ZFP90: variants seen among roughly 807,000 people sequenced by gnomAD.
The protein encoded by ZFP90 is zinc finger protein 90 homolog.
A neutral mutation model predicts 60.8 loss-of-function variants in ZFP90; 38 were observed. The ratio of observed to expected loss-of-function variants is 0.62; its 90% CI spans 0.48 to 0.82. The LOEUF (loss-of-function observed/expected upper bound fraction) is 0.82. ZFP90 is among the 40% of genes least tolerant of loss of function. The probability of loss-of-function intolerance (pLI) is 0.00; values close to 1 mark genes in which losing one functional copy is unlikely to be tolerated. For missense variants in ZFP90, 711 were observed against 759.1 expected, an observed-to-expected ratio of 0.94 and a Z score of 0.74; for synonymous variants, 287 against 264.8, an observed-to-expected ratio of 1.08 and a Z score of -0.82.
intron 2 of ZFP90, among the ~76,000 whole-genome samples, chr16:68,544,267 A>G (rs145212167): frequency 1.3e-3 from 200 of 152,296 alleles, no homozygotes; most frequent in Middle Eastern, 0.01. Flanking sequence ...GTTTTAAGCT[A>G]GGTGTGGTGG....
downstream of ZFP90, among the ~76,000 whole-genome samples, chr16:68,570,367 C>A (rs577059571): frequency 4.6e-5 from 7 of 152,382 alleles, no homozygotes; most frequent in South Asian, 1.4e-3. Context: ...TTTTACTGAA[C>A]TGGAATTGCT....
At chr16:68,538,931 T>C (rs2090984161), upstream of ZFP90, among the ~76,000 whole-genome samples, 1 of 152,162 alleles carries the variant, frequency 6.6e-6, no homozygotes, top group Admixed American at 6.5e-5. Flanking sequence ...CTCACTCCCT[T>C]CCTGTGTCAC....
chr16:68,536,440 G>A (rs2090961042), upstream of ZFP90, among the ~76,000 whole-genome samples: 3 of 152,032 alleles, frequency 2.0e-5, no homozygotes, highest in Admixed American at 1.3e-4. Context: ...CCCAGTAGTT[G>A]GGGACTACCG....
intron 2 of ZFP90, among the ~76,000 whole-genome samples, chr16:68,541,766 G>A (rs577490063): frequency 1.3e-5 from 2 of 152,240 alleles, no homozygotes; most frequent in African/African-American, 2.4e-5. Context: ...ATCCTCCATA[G>A]GCTTGTGAGA....
chr16:68,562,812 C>A lies in ZFP90; in HGVS notation c.257-232C>A, dbSNP rs1375841408. 4.6e-6 allele frequency: 4 copies of A among 867,280 alleles called. No individual in the cohort carries two copies. The East Asian group carries it at 1.1e-4, about 23-fold the overall frequency. The allele number at this position is 867,280 out of a possible 1,614,324, so 53.7% of individuals were successfully genotyped here. On this transcript the variant is annotated intron_variant, in intron 4 of 4. Transcript: ENST00000563169. ...CTTATTTCCTTATTTTCTAACCAAC[C>A]CTCCTAGATGGGCTTTCCTCATTCT...
chr16:68,575,970 C>A, exon 3 of ZFP90: 1 of 372,802 alleles, frequency 2.7e-6, no homozygotes. Flanking sequence ...TCAGATTTTT[C>A]ACAACTCTGG....
At chr16:68,556,577 G>A (rs2091347833) in intron 2 of ZFP90, among the ~76,000 whole-genome samples, 3 of 152,224 alleles carry the variant, frequency 2.0e-5, no homozygotes, top group African/African-American at 7.2e-5. Context: ...GCCGGGCGTT[G>A]TTCTGGGCAC....
rs200733027 is a variant in ZFP90 at position 68,541,604 on chromosome 16, T to TTA, written c.33+1792_33+1793dup. On this transcript the variant is annotated intron_variant, in intron 2 of 4. Transcript: ENST00000563169. ...GAGCCACCGGGCCCGGCCTGCGTTT[T>TTA]TATATATATATATACTTCTTATTAT... 4.2e-3 allele frequency among the ~76,000 whole-genome samples: 630 copies of TTA among 151,706 alleles called. 6 individuals carry two copies. The South Asian group carries it at 0.052, about 13-fold the overall frequency.
chr16:68,536,888 C>G (rs976333307), upstream of ZFP90, among the ~76,000 whole-genome samples: 4 of 152,156 alleles, frequency 2.6e-5, no homozygotes, highest in Non-Finnish European at 4.4e-5. Context: ...TGGCTCTCAT[C>G]ACACTCAAAA....
At chr16:68,554,717 C>G (rs1039840088) in intron 2 of ZFP90, among the ~76,000 whole-genome samples, 1 of 151,952 alleles carries the variant, frequency 6.6e-6, no homozygotes, top group African/African-American at 2.4e-5. Flanking sequence ...TTTAGGAGGC[C>G]GAGGTGGGAG....
intron 2 of ZFP90, among the ~76,000 whole-genome samples, chr16:68,572,611 T>C (rs1465867558): frequency 6.6e-6 from 1 of 152,198 alleles, no homozygotes; most frequent in African/African-American, 2.4e-5. Context: ...GAGATGGGCC[T>C]CATGCTCCTG....
chr16:68,553,064 T>C (rs1173740732), intron 2 of ZFP90, among the ~76,000 whole-genome samples: 1 of 152,038 alleles, frequency 6.6e-6, no homozygotes, highest in African/African-American at 2.4e-5. Context: ...AAGAAAAATG[T>C]ATTAAATATT....
chr16:68,552,190 C>T (rs1476907203), intron 2 of ZFP90, among the ~76,000 whole-genome samples: 1 of 152,196 alleles, frequency 6.6e-6, no homozygotes, highest in Admixed American at 6.5e-5. Flanking sequence ...ATGAGATGCC[C>T]TGAAGTTGAT....
At chr16:68,550,775 T>C (rs1170388565) in intron 2 of ZFP90, among the ~76,000 whole-genome samples, 5 of 152,246 alleles carry the variant, frequency 3.3e-5, no homozygotes, top group Admixed American at 2.6e-4. Context: ...CCTGGATTAA[T>C]GCTGTCATTA....
intron 2 of ZFP90, among the ~76,000 whole-genome samples, chr16:68,541,682 C>G (rs113147396): frequency 1.8e-4 from 28 of 152,126 alleles, no homozygotes; most frequent in African/African-American, 6.5e-4. Context: ...CCTGCCAATA[C>G]TAAAACAAGA....
chr16:68,536,709 T>A (rs886320971), upstream of ZFP90, among the ~76,000 whole-genome samples: 18 of 152,196 alleles, frequency 1.2e-4, no homozygotes, highest in African/African-American at 4.3e-4. Context: ...GCACCCAGCT[T>A]CCTTTGATAA....
At chr16:68,536,836 C>T (rs547105265), upstream of ZFP90, among the ~76,000 whole-genome samples, 2 of 152,294 alleles carry the variant, frequency 1.3e-5, no homozygotes, top group African/African-American at 4.8e-5. Flanking sequence ...TCCTCTTATT[C>T]TCTCATAGTA....
chr16:68,551,013 G>T (rs188006567), intron 2 of ZFP90, among the ~76,000 whole-genome samples: 1 of 152,306 alleles, frequency 6.6e-6, no homozygotes, highest in African/African-American at 2.4e-5. Context: ...TTAGTTACAC[G>T]GTCAACTATC....
At chr16:68,538,743 G>C (rs2090981995), upstream of ZFP90, among the ~76,000 whole-genome samples, 1 of 151,624 alleles carries the variant, frequency 6.6e-6, no homozygotes, top group South Asian at 2.1e-4. Flanking sequence ...TTGTTTGCTT[G>C]TCCCAAACAA....
Sources: gnomAD v4.1 joint callset for allele counts (sites outside exome capture counted in the v4.1 genomes callset) on GRCh38, gnomAD v4.1.1 for gene constraint, MANE v1.5 for transcripts, NCBI Gene and HGNC (gene_info 2026-07-23, HGNC 2026-07-21) for gene names.